Variants in CCDC158 observed in about 807,000 individuals in gnomAD.
CCDC158 encodes the protein coiled-coil domain-containing protein 158.
A neutral mutation model predicts 138.6 loss-of-function variants in CCDC158; 116 were observed. The ratio of observed to expected loss-of-function variants is 0.84; its 90% CI spans 0.72 to 0.98. The LOEUF is 0.98. Ranked by LOEUF, CCDC158 falls within the 50% of genes least tolerant of loss-of-function variation. The pLI is 0.00. For synonymous variants in CCDC158, 436 were observed against 442.4 expected (o/e 0.99, Z 0.18); for missense variants, 1,265 against 1,306.1 (o/e 0.97, Z 0.48).
At position 76,401,145 on chromosome 4, in the gene CCDC158, T is replaced by C. The variant is rs2109857320; in HGVS notation, c.70+1993A>G. 3 of 270,280 alleles carry C rather than the reference T, an allele frequency of 1.1e-5. No homozygotes were observed. In the South Asian group the frequency reaches 1.2e-4, roughly 11 times the overall value. The allele number at this position is 270,280 out of a possible 1,614,324, so 16.7% of individuals were successfully genotyped here. On this transcript the variant is annotated intron_variant, in intron 3 of 24. Transcript: ENST00000682701. ...GATTTTTGATATGGGTACACTACCT[T>C]CATGTGCAGAAAATAGGTGTACTCT...
intron 10 of CCDC158, 124 bp from the exon 11 acceptor site, chr4:76,369,747 T>C: frequency 1.2e-6 from 1 of 806,702 alleles, no homozygotes. Flanking sequence ...TGGAATCTGA[T>C]TCCTTTTTAA....
At chr4:76,373,930 G>T (rs990778593) in intron 9 of CCDC158, among the ~76,000 whole-genome samples, 2 of 152,056 alleles carry the variant, frequency 1.3e-5, no homozygotes, top group Non-Finnish European at 2.9e-5. Flanking sequence ...GAGGTGGGAG[G>T]ATCACTTGAG....
chr4:76,321,298 G>T (rs1270459395), intron 24 of CCDC158, among the ~76,000 whole-genome samples: 1 of 152,052 alleles, frequency 6.6e-6, no homozygotes, highest in Non-Finnish European at 1.5e-5. Context: ...TGTGGATGTG[G>T]TAAAAAGGGA....
chr4:76,345,526 T>C (rs1722464559), intron 18 of CCDC158: 2 of 952,646 alleles, frequency 2.1e-6, no homozygotes, highest in African/African-American at 1.6e-5. Flanking sequence ...GAACTGGAAA[T>C]AAAACATGCC....
At position 76,333,221 on chromosome 4, in the gene CCDC158, G is replaced by A. The variant is rs191332299; in HGVS notation, c.2823-730C>T. On this transcript the variant is annotated intron_variant, in intron 19 of 24. Transcript: ENST00000682701. ...TGCTACCTCAGGTAAATACGAATTG[G>A]ACATCATAAGAAACTGGAGATTATT... is the stretch of plus-strand genomic sequence containing the variant. Among the ~76,000 whole-genome samples the A allele has an allele frequency of 2.8e-3, 419 of 152,162 alleles. 2 individuals carry two copies. Among genetic ancestry groups the A allele is most frequent in the African/African-American group, 9.2e-3 (380 of 41,512 alleles).
rs76624708 is a variant in CCDC158, at chr4:76,367,431, C to T, written c.1693G>A (p.Glu565Lys). Residue 565 changes from glutamate to lysine, a missense_variant, in exon 12 of 25, where the codon GAG becomes AAG. Transcript: ENST00000682701. ...TTCTCAATCTGCTGTCGCAGAATCTCGATCACCTTGTCCTTCTCTGTCATC... is the reference window on the plus strand; with the variant it reads ...TTCTCAATCTGCTGTCGCAGAATCTTGATCACCTTGTCCTTCTCTGTCATC... ...LQMTEKDKVI[E>K]ILRQQIENMT... 8.7e-6 allele frequency: 14 copies of T among 1,614,122 alleles called. No individual in the cohort carries two copies. Among genetic ancestry groups the T allele is most frequent in the African/African-American group, 4.0e-5 (3 of 74,938 alleles).
rs566303466 is a variant in CCDC158 at position 76,332,967 on chromosome 4, A to T, written c.2823-476T>A. Reference sequence around the variant, plus strand: ...ATGTCAATATATGCCTAAGTTTACAAATCTGTCAAATAAGTGTAATAATAC... The same window carrying T: ...ATGTCAATATATGCCTAAGTTTACATATCTGTCAAATAAGTGTAATAATAC... On this transcript the variant is annotated intron_variant, in intron 19 of 24. Transcript: ENST00000682701. 2.0e-5 allele frequency among the ~76,000 whole-genome samples: 3 copies of T among 152,296 alleles called. No individual in the cohort carries two copies. In the South Asian group the frequency reaches 6.2e-4, roughly 32 times the overall value.
chr4:76,314,622 T>C (rs971162393), intron 24 of CCDC158, among the ~76,000 whole-genome samples: 1 of 151,962 alleles, frequency 6.6e-6, no homozygotes, highest in Non-Finnish European at 1.5e-5. Flanking sequence ...AACCTGAAAA[T>C]CCAGATTACG....
chr4:76,337,523 G>A (rs1721631021), intron 18 of CCDC158, among the ~76,000 whole-genome samples: 1 of 152,108 alleles, frequency 6.6e-6, no homozygotes, highest in African/African-American at 2.4e-5. Flanking sequence ...CCTAGGTCAG[G>A]AGCTCGAGAC....
At chr4:76,351,347 T>C (rs1329576748) in intron 17 of CCDC158, among the ~76,000 whole-genome samples, 1 of 152,222 alleles carries the variant, frequency 6.6e-6, no homozygotes, top group African/African-American at 2.4e-5. Context: ...ACTTTTGCTA[T>C]TCCCCAAACA....
At chr4:76,410,412 T>G (rs1358137245) in intron 2 of CCDC158, among the ~76,000 whole-genome samples, 2 of 152,134 alleles carry the variant, frequency 1.3e-5, no homozygotes, top group Non-Finnish European at 2.9e-5. Flanking sequence ...CTTGAACTCC[T>G]GGCCTCAAGT....
intron 9 of CCDC158, chr4:76,375,530 T>G: frequency 1.4e-6 from 1 of 701,924 alleles, no homozygotes; most frequent in Non-Finnish European, 2.6e-6. Flanking sequence ...ATCACTTTTT[T>G]AATACAAAAT....
intron 24 of CCDC158, among the ~76,000 whole-genome samples, 172 bp from the exon 25 acceptor site, chr4:76,313,418 G>A (rs1376793868): frequency 1.3e-5 from 2 of 152,134 alleles, no homozygotes; most frequent in Non-Finnish European, 2.9e-5. Flanking sequence ...TTATGGAAGA[G>A]AGCTAAGGGT....
intron 18 of CCDC158, among the ~76,000 whole-genome samples, chr4:76,348,430 G>A (rs1722767412): frequency 1.3e-5 from 1 of 75,668 alleles, no homozygotes; most frequent in East Asian, 4.1e-4. Context: ...GCAATACTCT[G>A]TCTCAAAAAA....
chr4:76,357,724 G>A (rs13110943), intron 13 of CCDC158, among the ~76,000 whole-genome samples, 198 bp from the exon 14 acceptor site: 16,973 of 151,976 alleles, frequency 0.11, 1,225 homozygotes, highest in East Asian at 0.34. Context: ...AATCTGCTTG[G>A]GTGGATCCTA....
At chr4:76,368,835 G>A (rs906923844) in intron 11 of CCDC158, among the ~76,000 whole-genome samples, 4 of 152,166 alleles carry the variant, frequency 2.6e-5, no homozygotes, top group African/African-American at 9.7e-5. Flanking sequence ...CCAATTTTTA[G>A]GTAAACGTGA....
At chr4:76,354,739 A>T (rs1259750620) in intron 15 of CCDC158, among the ~76,000 whole-genome samples, 2 of 152,146 alleles carry the variant, frequency 1.3e-5, no homozygotes, top group East Asian at 3.8e-4. Context: ...ATGTGTTATG[A>T]ACCACATCCA....
chr4:76,360,785 C>A (rs1724056918), intron 13 of CCDC158, among the ~76,000 whole-genome samples: 2 of 152,126 alleles, frequency 1.3e-5, no homozygotes, highest in African/African-American at 4.8e-5. Context: ...AAGTGATTTG[C>A]CTTGTCTCAG....
chr4:76,353,002 G>T, intron 16 of CCDC158, 121 bp downstream of exon 16: 2 of 741,034 alleles, frequency 2.7e-6, no homozygotes, highest in Non-Finnish European at 4.2e-6. Flanking sequence ...CTAGGTGATT[G>T]GGATACAACA....
Sources: gnomAD v4.1 joint callset for allele counts (sites outside exome capture counted in the v4.1 genomes callset) on GRCh38, gnomAD v4.1.1 for gene constraint, MANE v1.5 for transcripts, NCBI Gene and HGNC (gene_info 2026-07-23, HGNC 2026-07-21) for gene names.